Variants in NBPF19 observed in about 807,000 individuals in gnomAD.
The protein encoded by NBPF19 is NBPF member 19.
A neutral mutation model predicts 45.9 loss-of-function variants in NBPF19; 30 were observed. The observed-to-expected ratio is 0.65, with a 90% CI of 0.49 to 0.89. The LOEUF (loss-of-function observed/expected upper bound fraction) is 0.89. NBPF19 is among the 40% of genes least tolerant of loss of function. The probability of loss-of-function intolerance (pLI) is 0.00; values close to 1 mark genes in which losing one functional copy is unlikely to be tolerated. For missense variants in NBPF19, 495 were observed against 471.8 expected (o/e 1.05, Z -0.46); for synonymous variants, 183 against 181.2 (o/e 1.01, Z -0.08).
rs1385579215 is a variant in NBPF19 at position 149,490,896 on chromosome 1, C to T, written c.1491-243C>T. On this transcript the variant is annotated intron_variant, in intron 13 of 93. Transcript: ENST00000651566. ...CACTGAGCTCGTTCTCTCTCTCTCT[C>T]TCTGTGTGTGTGTGTGTGTGTGTGC... 7.8e-5 allele frequency among the ~76,000 whole-genome samples: 10 copies of T among 128,798 alleles called. 1 individual carries two copies. The highest frequency in any genetic ancestry group is 8.2e-5 in the Admixed American group (1 of 12,258). The allele number at this position is 128,798 out of a possible 152,430, so 84.5% of individuals were successfully genotyped here. A position where few individuals can be genotyped will look rare whatever the true frequency, so the allele number is the denominator to read the frequency against.
At position 149,497,567 on chromosome 1, in the gene NBPF19, G is replaced by A; in HGVS notation, c.2547G>A (p.Leu849=). The change falls in exon 22 of 94, where the codon TTG becomes TTA. Residue 849 remains leucine, a synonymous_variant. Coordinates refer to ENST00000651566, the MANE Select transcript of NBPF19 (RefSeq NM_001351365.2). The part of the protein sequence containing the change: ...ELLDEKGPEV[L]QDSLDRCYST... ...TGGATGAGAAAGGGCCTGAAGTCTT[G>A]CAGGACTCACTGGATAGATGTTATT... The A allele has an allele frequency of 1.3e-5, 1 of 76,844 alleles. No homozygotes were observed. The highest frequency in any genetic ancestry group is 6.5e-5 in the South Asian group (1 of 15,278). The allele number at this position is 76,844 out of a possible 1,614,324, so 4.8% of individuals were successfully genotyped here. A position where few individuals can be genotyped will look rare whatever the true frequency, so the allele number is the denominator to read the frequency against.
Position 149,488,905 on chromosome 1 carries a change from A to C in NBPF19, c.1214A>C (p.Glu405Ala). The change falls in exon 11 of 94, where the codon GAA (glutamate) becomes GCA (alanine). Residue 405 changes from glutamate (E) to alanine (A), a missense_variant and splice_region_variant. By Grantham distance (107) the Glu-to-Ala change is moderately radical. Around this residue, in one of 8 missense-constraint regions of NBPF19, gnomAD observed 146 missense variants for 67.3 expected, o/e 2.17. Transcript: ENST00000651566. ...QRVGLAIDMD[E>A]IEKYQEVEED... ...CTGTCCATGTCTGAACTTATTGCAGAAATTGAAAAGTACCAAGAAGTGGAA... is the reference window on the plus strand; with the variant it reads ...CTGTCCATGTCTGAACTTATTGCAGCAATTGAAAAGTACCAAGAAGTGGAA... 1 of 36,344 alleles carries C rather than the reference A, an allele frequency of 2.8e-5. No individual in the cohort carries two copies. The highest frequency in any genetic ancestry group is 4.4e-5 in the Non-Finnish European group (1 of 22,516). 2.3% of individuals were successfully genotyped at this position (36,344 alleles called of 1,614,324 possible). A position where few individuals can be genotyped will look rare whatever the true frequency, so the allele number is the denominator to read the frequency against.
chr1:149,521,086 G>C (rs1232105036), intron 51 of NBPF19, among the ~76,000 whole-genome samples: 24 of 78,808 alleles, frequency 3.0e-4, no homozygotes, highest in African/African-American at 5.6e-4. Context: ...CTCTGTCTCT[G>C]TCTCTCTCTC....
chr1:149,487,563 C>G (rs1377171026), intron 9 of NBPF19, among the ~76,000 whole-genome samples, 180 bp downstream of exon 9: 1 of 150,902 alleles, frequency 6.6e-6, no homozygotes. Flanking sequence ...TTTCTTCCTA[C>G]CCTTATCATT....
In NBPF19 at chr1:149,556,350, A is replaced by C. The variant is rs1268402364; in HGVS notation, c.*1612A>C. The stretch of plus-strand genomic sequence containing the variant: ...GGTACTGATGTGAATTAATAAAAAC[A>C]TTTCATTTCCATGTTTATTTTCTAA... On this transcript the variant is annotated 3_prime_UTR_variant, in exon 94 of 94. Coordinates refer to ENST00000651566, the MANE Select transcript of NBPF19 (RefSeq NM_001351365.2). 2.7e-5 allele frequency: 4 copies of C among 150,376 alleles called. No homozygotes were observed. The highest frequency in any genetic ancestry group is 9.8e-5 in the African/African-American group (4 of 40,944). The allele number at this position is 150,376 out of a possible 1,614,324, so 9.3% of individuals were successfully genotyped here.
At chr1:149,519,566 C>T in intron 49 of NBPF19, 122 bp from the exon 50 acceptor site, 1 of 92,362 alleles carries the variant, frequency 1.1e-5, no homozygotes, top group Non-Finnish European at 1.7e-5. Flanking sequence ...TTTGTTACCT[C>T]ATTAATGGAT....
At position 149,488,067 on chromosome 1, in the gene NBPF19, G is replaced by A. The variant is rs2085723112; in HGVS notation, c.1095G>A (p.Leu365=). ...EKGPEVLQDS[L]DRCYSTPSGC... Reference sequence around the variant, plus strand: ...GGCCTGAAGTCTTGCAGGACTCACTGGATAGATGTTATTCAACTCCTTCAG... The same window carrying A: ...GGCCTGAAGTCTTGCAGGACTCACTAGATAGATGTTATTCAACTCCTTCAG... Residue 365 remains leucine, a synonymous_variant, in exon 10 of 94, where the codon CTG becomes CTA. Transcript: ENST00000651566. 3 of 673,998 alleles carry A rather than the reference G, an allele frequency of 4.5e-6. No homozygotes were observed. 41.8% of individuals were successfully genotyped at this position (673,998 alleles called of 1,614,324 possible). A position where few individuals can be genotyped will look rare whatever the true frequency, so the allele number is the denominator to read the frequency against.
intron 4 of NBPF19, 94 bp downstream of exon 4, chr1:149,479,188 G>A (rs1371803568): frequency 3.8e-6 from 6 of 1,560,978 alleles, no homozygotes; most frequent in Non-Finnish European, 5.3e-6. Flanking sequence ...TATCAGTGGG[G>A]TTTTTTTCTA....
At position 149,475,430 on chromosome 1, in the gene NBPF19, C is replaced by T. The variant is rs1324759605; in HGVS notation, c.-401C>T. Among the ~76,000 whole-genome samples, 1 of 150,688 alleles carries T rather than the reference C, an allele frequency of 6.6e-6. No homozygotes were observed. The highest frequency in any genetic ancestry group is 1.5e-5 in the Non-Finnish European group (1 of 67,512). ...CAAGAGATAAACAGTGAGGAATATG[C>T]TTAGATGTATTGGGAAAGACATGGG... On this transcript the variant is annotated 5_prime_UTR_variant, in exon 1 of 94. Coordinates refer to ENST00000651566, the MANE Select transcript of NBPF19 (RefSeq NM_001351365.2).
chr1:149,477,261 A>G (rs1376233428), intron 2 of NBPF19, among the ~76,000 whole-genome samples: 1 of 150,988 alleles, frequency 6.6e-6, no homozygotes, highest in East Asian at 1.9e-4. Context: ...ATTAATTGGC[A>G]CAGTGGAAAC....
At chr1:149,486,742 G>A (rs2085533838) in intron 8 of NBPF19, among the ~76,000 whole-genome samples, 2 of 151,240 alleles carry the variant, frequency 1.3e-5, no homozygotes, top group Admixed American at 6.6e-5. Context: ...AGTGAAAGAT[G>A]TGACCCAGGT....
chr1:149,514,735 G>GTC (rs2086346794), intron 43 of NBPF19, among the ~76,000 whole-genome samples: 1 of 74,146 alleles, frequency 1.3e-5, no homozygotes, highest in Non-Finnish European at 2.9e-5. Context: ...GTGTGTGTGT[G>GTC]TGTCTATCTG....
intron 8 of NBPF19, among the ~76,000 whole-genome samples, chr1:149,486,534 C>T (rs1321269237): frequency 6.6e-6 from 1 of 151,422 alleles, no homozygotes; most frequent in Non-Finnish European, 1.5e-5. Flanking sequence ...GACTGACTGT[C>T]ACGACATTGA....
chr1:149,515,122 T>C lies in NBPF19; in HGVS notation c.5323+14T>C. On this transcript the variant is annotated intron_variant, in intron 44 of 93. Coordinates refer to ENST00000651566, the MANE Select transcript of NBPF19 (RefSeq NM_001351365.2). ...TTGACGTGGGAGGTGAGTACCTTTCTATGAAGGTGATAAGCACCACTGAGT... is the reference window on the plus strand; with the variant it reads ...TTGACGTGGGAGGTGAGTACCTTTCCATGAAGGTGATAAGCACCACTGAGT... The C allele has an allele frequency of 2.0e-6, 2 of 979,450 alleles. 1 individual carries two copies. Among genetic ancestry groups the C allele is most frequent in the Non-Finnish European group, 3.1e-6 (2 of 636,332 alleles). 60.7% of individuals were successfully genotyped at this position (979,450 alleles called of 1,614,324 possible).
Position 149,478,006 on chromosome 1 carries a change from G to A in NBPF19, c.237G>A (p.Glu79=), listed in dbSNP as rs1374520416. 2.3e-5 allele frequency: 35 copies of A among 1,526,930 alleles called. No individual in the cohort carries two copies. Among genetic ancestry groups the A allele is most frequent in the Middle Eastern group, 2.3e-4 (1 of 4,340 alleles). The allele number at this position is 1,526,930 out of a possible 1,614,324, so 94.6% of individuals were successfully genotyped here. Residue 79 remains glutamate, a synonymous_variant, in exon 3 of 94, where the codon GAG becomes GAA. Coordinates refer to ENST00000651566, the MANE Select transcript of NBPF19 (RefSeq NM_001351365.2). ...TGAGGAATGAGCGACAGTTCAAGGA[G>A]GAGAAGCTTGCAGAGCAGCTGAAGC... is the stretch of plus-strand genomic sequence containing the variant. ...FMLRNERQFK[E]EKLAEQLKQA... is the part of the protein sequence containing the mutation.
At chr1:149,483,523 C>A (rs1293778962) in intron 7 of NBPF19, among the ~76,000 whole-genome samples, 1 of 143,942 alleles carries the variant, frequency 6.9e-6, no homozygotes, top group Non-Finnish European at 1.5e-5. Context: ...GCATTTAGCC[C>A]ATTTACATTT....
At chr1:149,529,048 A>T (rs2086936672) in intron 61 of NBPF19, 126 bp from the exon 62 acceptor site, 3 of 392,726 alleles carry the variant, frequency 7.6e-6, no homozygotes, top group Non-Finnish European at 1.4e-5. Flanking sequence ...ATAATTTGTT[A>T]CCTCATTAAT....
At chr1:149,479,704 G>A (rs2085058219) in intron 4 of NBPF19, among the ~76,000 whole-genome samples, 1 of 149,926 alleles carries the variant, frequency 6.7e-6, no homozygotes, top group Non-Finnish European at 1.5e-5. Flanking sequence ...CACAGCAGAA[G>A]CCACATGGAG....
chr1:149,484,686 G>C (rs1405696869), intron 7 of NBPF19, among the ~76,000 whole-genome samples: 1 of 142,402 alleles, frequency 7.0e-6, no homozygotes, highest in Non-Finnish European at 1.5e-5. Flanking sequence ...GCTGCCCTTA[G>C]CATTTTTTCC....
Sources: allele counts gnomAD v4.1 joint callset (sites outside exome capture counted in the v4.1 genomes callset), GRCh38; gene constraint gnomAD v4.1.1; regional missense constraint gnomAD v4.1.1; transcripts MANE v1.5; gene names NCBI Gene and HGNC (gene_info 2026-07-23, HGNC 2026-07-21).